Variants in CSMD1 observed in about 807,000 individuals in gnomAD.
CSMD1 encodes the protein CUB and Sushi multiple domains 1.
CSMD1 carries 213 observed loss-of-function variants against 417.5 expected under a neutral mutation model. That is an observed-to-expected ratio of 0.51 (90% CI 0.46 to 0.57). The LOEUF (loss-of-function observed/expected upper bound fraction) is 0.57. Ranked by LOEUF, CSMD1 falls within the 20% of genes least tolerant of loss-of-function variation. CSMD1 has a pLI of 0.00. For synonymous variants in CSMD1, 2,862 were observed against 1,736.8 expected (o/e 1.65, Z -16.11); for missense variants, 6,923 against 4,529.7 (o/e 1.53, Z -15.17).
chr8:4,130,933 T>G (rs1803064405), intron 3 of CSMD1, among the ~76,000 whole-genome samples: 1 of 152,246 alleles, frequency 6.6e-6, no homozygotes, highest in South Asian at 2.1e-4. Context: ...TCAGGCTTTC[T>G]GAATATCATA....
chr8:4,765,621 G>A (rs1157754613), intron 1 of CSMD1, among the ~76,000 whole-genome samples: 3 of 152,200 alleles, frequency 2.0e-5, no homozygotes, highest in Non-Finnish European at 4.4e-5. Context: ...AAAATTGGAT[G>A]CAAGGCAGAA....
rs192723175 is a variant in CSMD1 at position 3,173,541 on chromosome 8, C to T, written c.5725+7569G>A. On this transcript the variant is annotated intron_variant, in intron 37 of 69. Coordinates refer to ENST00000635120, the MANE Select transcript of CSMD1 (RefSeq NM_033225.6). ...TTGAAATGAATATGTGGAAAAAGAT[C>T]TTATGGAGTAATTAATGTAGAAATA... 2.2e-3 allele frequency among the ~76,000 whole-genome samples: 337 copies of T among 152,186 alleles called. 1 individual carries two copies. The highest frequency in any genetic ancestry group is 3.6e-3 in the Non-Finnish European group (245 of 68,004).
chr8:4,637,922 G>A (rs1212462728), intron 1 of CSMD1, among the ~76,000 whole-genome samples: 1 of 150,834 alleles, frequency 6.6e-6, no homozygotes, highest in Non-Finnish European at 1.5e-5. Flanking sequence ...CACCCGCCCC[G>A]GCCTCCCAAA....
intron 10 of CSMD1, among the ~76,000 whole-genome samples, chr8:3,573,107 TTA>T (rs1800009960): frequency 6.6e-6 from 1 of 152,216 alleles, no homozygotes; most frequent in Admixed American, 6.5e-5. Flanking sequence ...TTTTTTCTAT[TTA>T]TCTTATGCTT....
chr8:4,879,089 T>A (rs977193124), intron 1 of CSMD1, among the ~76,000 whole-genome samples: 4 of 151,880 alleles, frequency 2.6e-5, no homozygotes, highest in African/African-American at 9.7e-5. Flanking sequence ...TAAGTAAGCT[T>A]TGCAAACAAA....
At chr8:3,805,562 C>T (rs183673539) in intron 5 of CSMD1, among the ~76,000 whole-genome samples, 3 of 152,218 alleles carry the variant, frequency 2.0e-5, no homozygotes, top group Non-Finnish European at 4.4e-5. Context: ...TGTTTGTTTG[C>T]AAGAAACAGG....
chr8:4,862,787 C>T (rs1253689257), intron 1 of CSMD1, among the ~76,000 whole-genome samples: 1 of 151,920 alleles, frequency 6.6e-6, no homozygotes, highest in African/African-American at 2.4e-5. Flanking sequence ...TCATGAAATC[C>T]GGTGACAGCC....
intron 49 of CSMD1, among the ~76,000 whole-genome samples, chr8:3,080,357 C>T (rs1035540452): frequency 2.0e-5 from 3 of 152,272 alleles, no homozygotes; most frequent in South Asian, 2.1e-4. Context: ...GGAAATGAAG[C>T]CTGAGGACAG....
intron 12 of CSMD1, among the ~76,000 whole-genome samples, chr8:3,420,118 G>A (rs1177634164): frequency 6.6e-6 from 1 of 152,096 alleles, no homozygotes; most frequent in African/African-American, 2.4e-5. Context: ...AATTTCAATA[G>A]TTGGGAAGTC....
intron 2 of CSMD1, among the ~76,000 whole-genome samples, chr8:4,632,439 G>A (rs1050521349): frequency 5.3e-5 from 8 of 152,142 alleles, no homozygotes; most frequent in Non-Finnish European, 8.8e-5. Context: ...TTAAACCGGA[G>A]AGGAGGAGAT....
rs538481481 is a variant in CSMD1 at position 3,864,829 on chromosome 8, A to G, written c.819-110787T>C. Among the ~76,000 whole-genome samples, 3 of 152,318 alleles carry G rather than the reference A, an allele frequency of 2.0e-5. No individual in the cohort carries two copies. In the East Asian group the frequency reaches 5.8e-4, roughly 29 times the overall value. On this transcript the variant is annotated intron_variant, in intron 5 of 69. Transcript: ENST00000635120. ...AAAGAGCTATTTGTTATACAGAAAC[A>G]TTTCCTAGACATTTTCCTAGTTTTG... is the stretch of plus-strand genomic sequence containing the variant.
chr8:4,505,231 A>T (rs1802457602), intron 2 of CSMD1, among the ~76,000 whole-genome samples: 1 of 152,206 alleles, frequency 6.6e-6, no homozygotes, highest in African/African-American at 2.4e-5. Flanking sequence ...TTTGTAGAGA[A>T]AGTTTTTCCT....
At chr8:4,791,095 TGAGAAGAGACGGG>T (rs1293395345) in intron 1 of CSMD1, among the ~76,000 whole-genome samples, 2 of 132,938 alleles carry the variant, frequency 1.5e-5, no homozygotes, top group Admixed American at 7.5e-5. Flanking sequence ...AGAGAGACGG[TGAGAAGAGACGGG>T]GAGAAGAGAC....
intron 1 of CSMD1, among the ~76,000 whole-genome samples, chr8:4,786,661 G>A (rs1045781652): frequency 6.6e-6 from 1 of 152,096 alleles, no homozygotes; most frequent in Non-Finnish European, 1.5e-5. Context: ...TCTAGAATAC[G>A]TTCTTTTACA....
At position 4,705,549 on chromosome 8, in the gene CSMD1, A is replaced by G. The variant is rs114918212; in HGVS notation, c.86-67991T>C. Among the ~76,000 whole-genome samples the G allele has an allele frequency of 6.5e-3, 987 of 152,288 alleles. 8 individuals are homozygous for G. Among genetic ancestry groups the G allele is most frequent in the Middle Eastern group, 0.027 (8 of 294 alleles). ...TATCTCTTTACCCCTAGATTCTACT[A>G]CGGCATATTTCTTTTTTGACTGAAA... On this transcript the variant is annotated intron_variant, in intron 1 of 69. Transcript: ENST00000635120.
chr8:4,254,732 T>G (rs181376849), intron 3 of CSMD1, among the ~76,000 whole-genome samples: 2 of 152,248 alleles, frequency 1.3e-5, no homozygotes, highest in African/African-American at 4.8e-5. Flanking sequence ...GTTATGTATC[T>G]TCAGATCTGC....
chr8:4,919,584 T>C (rs1237022533), intron 1 of CSMD1, among the ~76,000 whole-genome samples: 2 of 152,208 alleles, frequency 1.3e-5, no homozygotes, highest in Non-Finnish European at 2.9e-5. Flanking sequence ...CAATACCCAG[T>C]ACTCAGTACA....
intron 1 of CSMD1, among the ~76,000 whole-genome samples, chr8:4,947,492 A>T (rs1279979124): frequency 6.6e-6 from 1 of 152,198 alleles, no homozygotes; most frequent in East Asian, 1.9e-4. Context: ...TGAGAAAATG[A>T]GAACCATGTG....
intron 4 of CSMD1, among the ~76,000 whole-genome samples, chr8:4,003,176 G>C (rs1178446208): frequency 6.6e-6 from 1 of 152,064 alleles, no homozygotes; most frequent in Non-Finnish European, 1.5e-5. Context: ...GGTGGATCAC[G>C]AGGTCAGGAG....
Sources: gnomAD v4.1 joint callset for allele counts (sites outside exome capture counted in the v4.1 genomes callset) on GRCh38, gnomAD v4.1.1 for gene constraint, MANE v1.5 for transcripts, NCBI Gene and HGNC (gene_info 2026-07-23, HGNC 2026-07-21) for gene names.